The following SLC6A2 variants were observed in gnomAD, a reference collection of about 807,000 sequenced individuals.
SLC6A2 encodes the protein solute carrier family 6 member 2, also known as sodium-dependent noradrenaline transporter.
A neutral mutation model predicts 71.7 loss-of-function variants in SLC6A2; 26 were observed. The observed-to-expected ratio is 0.36, with a 90% CI of 0.27 to 0.50. The LOEUF (loss-of-function observed/expected upper bound fraction) is 0.50, where lower values mean the gene tolerates loss of function less well. Ranked by LOEUF, SLC6A2 falls within the 20% of genes least tolerant of loss-of-function variation. The probability of loss-of-function intolerance (pLI) is 0.96; values close to 1 mark genes in which losing one functional copy is unlikely to be tolerated. For synonymous variants in SLC6A2, 363 were observed against 337.9 expected (o/e 1.07, Z -0.82); for missense variants, 581 against 803.9 (o/e 0.72, Z 3.35).
chr16:55,656,900 T>C lies in SLC6A2; in HGVS notation c.206T>C (p.Val69Ala). The C allele has an allele frequency of 6.2e-7, 1 of 1,614,024 alleles. No individual in the cohort carries two copies. Among genetic ancestry groups the C allele is most frequent in the East Asian group, 2.2e-5 (1 of 44,840 alleles). The change falls in exon 2 of 15, where the codon GTA (valine) becomes GCA (alanine). Residue 69 changes from valine (V) to alanine (A), a missense_variant. Val to Ala is a moderately conservative substitution (Grantham distance 64). Coordinates refer to ENST00000568943, the MANE Select transcript of SLC6A2 (RefSeq NM_001172501.3). The surrounding 1 kb of genome is among the most constrained non-coding windows in gnomAD (Gnocchi z 4.5). ...AAGAAGATCGACTTCCTGCTGTCCG[T>C]AGTCGGCTTCGCAGTGGACCTGGCC... ...WGKKIDFLLS[V>A]VGFAVDLANV...
chr16:55,667,508 T>A (rs1964787013), intron 2 of SLC6A2, among the ~76,000 whole-genome samples: 1 of 152,204 alleles, frequency 6.6e-6, no homozygotes, highest in Non-Finnish European at 1.5e-5. Context: ...CCCCACTGCC[T>A]ACCTCCATCT....
At chr16:55,683,012 C>T (rs1337508986) in intron 4 of SLC6A2, among the ~76,000 whole-genome samples, 4 of 152,184 alleles carry the variant, frequency 2.6e-5, no homozygotes, top group African/African-American at 9.7e-5. Context: ...GGCTCACAGC[C>T]GGCCTTCAGT....
chr16:55,674,818 C>T (rs533068832), intron 4 of SLC6A2, among the ~76,000 whole-genome samples: 6 of 152,136 alleles, frequency 3.9e-5, no homozygotes, highest in African/African-American at 1.2e-4. Flanking sequence ...AACATCCACG[C>T]GCAGGTGTCT....
chr16:55,679,455 G>A (rs1359237468), intron 4 of SLC6A2, among the ~76,000 whole-genome samples: 4 of 152,144 alleles, frequency 2.6e-5, no homozygotes, highest in African/African-American at 9.7e-5. Flanking sequence ...TGGAACTCCT[G>A]ATCTCAAGTG....
intron 2 of SLC6A2, among the ~76,000 whole-genome samples, chr16:55,661,315 G>T (rs1452162628): frequency 2.0e-5 from 3 of 152,136 alleles, no homozygotes; most frequent in South Asian, 2.1e-4. Context: ...TTAGGTTCAG[G>T]GTCTGAGTCT....
chr16:55,657,576 A>C (rs537971564), intron 2 of SLC6A2, among the ~76,000 whole-genome samples: 19 of 152,210 alleles, frequency 1.2e-4, no homozygotes, highest in Non-Finnish European at 2.2e-4. Flanking sequence ...ATTCTCAGGG[A>C]GCACAGCCCA....
chr16:55,702,410 T>C lies in SLC6A2; in HGVS notation c.*64T>C. On this transcript the variant is annotated 3_prime_UTR_variant, in exon 15 of 15. Coordinates refer to ENST00000568943, the MANE Select transcript of SLC6A2 (RefSeq NM_001172501.3). ...TCCAGGTCACAGGCATCCGCTGCGC[T>C]CCCACCTCGGACACCATCTTGGGAT... 6.2e-7 allele frequency: 1 copy of C among 1,613,984 alleles called. No individual in the cohort carries two copies. Among genetic ancestry groups the C allele is most frequent in the Non-Finnish European group, 8.5e-7 (1 of 1,179,962 alleles).
At position 55,700,219 on chromosome 16, in the gene SLC6A2, G is replaced by C; in HGVS notation, c.1671G>C (p.Val557=). 1.9e-6 allele frequency: 3 copies of C among 1,614,032 alleles called. No individual in the cohort carries two copies. Among genetic ancestry groups the C allele is most frequent in the Non-Finnish European group, 2.5e-6 (3 of 1,179,914 alleles). Reference sequence around the variant, plus strand: ...TCTTCCCGCCCTGGGCCAACTGGGTGGGGTGGGGCATCGCCCTGTCCTCCA... The same window carrying C: ...TCTTCCCGCCCTGGGCCAACTGGGTCGGGTGGGGCATCGCCCTGTCCTCCA... ...DYIFPPWANW[V]GWGIALSSMV... Residue 557 remains valine, a synonymous_variant, in exon 13 of 15, where the codon GTG becomes GTC. Coordinates refer to ENST00000568943, the MANE Select transcript of SLC6A2 (RefSeq NM_001172501.3).
At chr16:55,675,529 G>C (rs1008846767) in intron 4 of SLC6A2, among the ~76,000 whole-genome samples, 1 of 152,050 alleles carries the variant, frequency 6.6e-6, no homozygotes, top group East Asian at 1.9e-4. Flanking sequence ...CTCAGATTTG[G>C]CCTGGGGGCC....
At chr16:55,675,667 A>G (rs765823766) in intron 4 of SLC6A2, among the ~76,000 whole-genome samples, 7 of 152,222 alleles carry the variant, frequency 4.6e-5, no homozygotes, top group Non-Finnish European at 1.0e-4. Flanking sequence ...AGCAGTTGAA[A>G]TGTGGCTAGT....
chr16:55,665,869 G>T (rs1964736084), intron 2 of SLC6A2, among the ~76,000 whole-genome samples: 1 of 152,252 alleles, frequency 6.6e-6, no homozygotes, highest in South Asian at 2.1e-4. Flanking sequence ...GTGTGGTTGG[G>T]CCAGAGGTGA....
At chr16:55,687,806 G>A (rs1432961531) in intron 5 of SLC6A2, among the ~76,000 whole-genome samples, 1 of 152,238 alleles carries the variant, frequency 6.6e-6, no homozygotes, top group Non-Finnish European at 1.5e-5. Context: ...CTTCTGAGTA[G>A]AGTGGAGTAT....
chr16:55,684,292 G>A (rs1965373477), intron 4 of SLC6A2, among the ~76,000 whole-genome samples: 4 of 113,028 alleles, frequency 3.5e-5, no homozygotes, highest in Admixed American at 1.9e-4. Context: ...CAGAGTGAGA[G>A]CCTGTCTCAA....
Position 55,695,308 on chromosome 16 carries a change from T to C in SLC6A2, c.1053T>C (p.Cys351=), listed in dbSNP as rs1486235015. ...CCCTGCTGACCAGCAGCATCAACTG[T>C]ATCACCAGCTTCGTCTCTGGGTTCG... ...RDALLTSSIN[C]ITSFVSGFAI... Residue 351 remains cysteine (C), a synonymous_variant, in exon 8 of 15, where the codon TGT becomes TGC. Coordinates refer to ENST00000568943, the MANE Select transcript of SLC6A2 (RefSeq NM_001172501.3). 1.2e-6 allele frequency: 2 copies of C among 1,614,194 alleles called. No homozygotes were observed. The highest frequency in any genetic ancestry group is 3.3e-5 in the Admixed American group (2 of 60,026).
intron 4 of SLC6A2, among the ~76,000 whole-genome samples, chr16:55,681,327 G>A (rs1042995662): frequency 1.3e-5 from 2 of 152,202 alleles, no homozygotes; most frequent in African/African-American, 2.4e-5. Flanking sequence ...TCCCCAGGGG[G>A]CTGGAGCCAT....
intron 6 of SLC6A2, among the ~76,000 whole-genome samples, chr16:55,693,645 A>G (rs575845735): frequency 6.6e-6 from 1 of 152,342 alleles, no homozygotes; most frequent in African/African-American, 2.4e-5. Flanking sequence ...TGAAAATGCC[A>G]TCTCCGTAAC....
Position 55,693,746 on chromosome 16 carries a change from A to G in SLC6A2, c.919-264A>G, listed in dbSNP as rs547359142. Among the ~76,000 whole-genome samples, 3 of 152,338 alleles carry G rather than the reference A, an allele frequency of 2.0e-5. No homozygotes were observed. The South Asian group carries it at 6.2e-4, about 32-fold the overall frequency. On this transcript the variant is annotated intron_variant, in intron 6 of 14. Transcript: ENST00000568943. ...GTTAACTTTCTTTGAAAATCAGGGC[A>G]TGAAATTGAGTGAATGAGTTCCTAC...
rs765973008 is a variant in SLC6A2 at position 55,700,195 on chromosome 16, C to G, written c.1647C>G (p.Ile549Met). The G allele has an allele frequency of 1.9e-6, 3 of 1,614,104 alleles. No homozygotes were observed. The South Asian group carries it at 3.3e-5, about 18-fold the overall frequency. The change falls in exon 13 of 15, where the codon ATC becomes ATG. Residue 549 changes from isoleucine (I) to methionine (M), a missense_variant. Transcript: ENST00000568943. ...AGCCACTCACCTACGACGACTACAT[C>G]TTCCCGCCCTGGGCCAACTGGGTGG... ...NFKPLTYDDY[I>M]FPPWANWVGW... is the part of the protein sequence containing the mutation.
intron 2 of SLC6A2, 98 bp downstream of exon 2, chr16:55,657,066 G>T: frequency 7.4e-7 from 1 of 1,357,952 alleles, no homozygotes; most frequent in Non-Finnish European, 1.0e-6. Context: ...AGGGAGGCGA[G>T]GAGACAGGGG....
Sources: allele counts gnomAD v4.1 joint callset (sites outside exome capture counted in the v4.1 genomes callset), GRCh38; gene constraint gnomAD v4.1.1; non-coding constraint Gnocchi (gnomAD v3.1); transcripts MANE v1.5; gene names NCBI Gene and HGNC (gene_info 2026-07-23, HGNC 2026-07-21).